Variants in RIGI observed in about 807,000 individuals in gnomAD.
The protein encoded by RIGI is RNA sensor RIG-I.
chr9:32,522,655 G>A, the RIGI span, among the ~76,000 whole-genome samples: 2 of 152,192 alleles, frequency 1.3e-5, no homozygotes, highest in African/African-American at 4.8e-5. Context: ...TAATGATACA[G>A]ATTGTGTCTC....
chr9:32,498,729 T>C, the RIGI span, among the ~76,000 whole-genome samples: 2 of 152,172 alleles, frequency 1.3e-5, no homozygotes, highest in Non-Finnish European at 2.9e-5. Context: ...ATGCCTGTAA[T>C]CTCAACACTT....
At chr9:32,468,111 G>A in the RIGI span, among the ~76,000 whole-genome samples, 12 of 152,222 alleles carry the variant, frequency 7.9e-5, no homozygotes, top group Admixed American at 7.9e-4. Flanking sequence ...TTTCAGAAAG[G>A]ACATTTAGGG....
At chr9:32,488,639 T>A in the RIGI span, 1 of 1,277,360 alleles carries the variant, frequency 7.8e-7, no homozygotes, top group East Asian at 2.6e-5. Flanking sequence ...GAATCTAATA[T>A]AAATTTTTTT....
chr9:32,472,579 C>T, the RIGI span, among the ~76,000 whole-genome samples: 2 of 152,198 alleles, frequency 1.3e-5, no homozygotes, highest in Non-Finnish European at 2.9e-5. Flanking sequence ...TTTTAAAAGA[C>T]GGCTTAGGCC....
At chr9:32,500,144 C>T in the RIGI span, among the ~76,000 whole-genome samples, 4 of 152,118 alleles carry the variant, frequency 2.6e-5, no homozygotes, top group Non-Finnish European at 4.4e-5. Context: ...TAAATGCTAA[C>T]GTGTAGAAAG....
chr9:32,474,088 G>A, the RIGI span, among the ~76,000 whole-genome samples: 3 of 151,032 alleles, frequency 2.0e-5, no homozygotes, highest in African/African-American at 7.3e-5. Context: ...TGCAGTCCCA[G>A]CTACTGGGGA....
At chr9:32,457,304 G>C in the RIGI span, 1 of 1,613,908 alleles carries the variant, frequency 6.2e-7, no homozygotes, top group Non-Finnish European at 8.5e-7. Context: ...CAGTTCTGTC[G>C]GGCACAGAAT....
At chr9:32,502,091 C>T in the RIGI span, among the ~76,000 whole-genome samples, 1 of 152,192 alleles carries the variant, frequency 6.6e-6, no homozygotes, top group African/African-American at 2.4e-5. Flanking sequence ...CTATTTTACA[C>T]ATTTCATATT....
chr9:32,500,954 A>G, the RIGI span: 1 of 1,611,860 alleles, frequency 6.2e-7, no homozygotes, highest in East Asian at 2.2e-5. Flanking sequence ...AAACAGAAGC[A>G]AAAATGACTC....
the RIGI span, among the ~76,000 whole-genome samples, chr9:32,491,957 T>C: frequency 6.6e-6 from 1 of 152,168 alleles, no homozygotes; most frequent in African/African-American, 2.4e-5. Context: ...TGACAACCAA[T>C]TCTTTCACCC....
At chr9:32,490,560 TTTTCTC>T in the RIGI span, among the ~76,000 whole-genome samples, 2 of 152,170 alleles carry the variant, frequency 1.3e-5, no homozygotes, top group Non-Finnish European at 2.9e-5. Flanking sequence ...AATCTGCACA[TTTTCTC>T]TTTATGATGT....
the RIGI span, among the ~76,000 whole-genome samples, chr9:32,509,678 C>G: frequency 6.6e-6 from 1 of 152,246 alleles, no homozygotes; most frequent in Middle Eastern, 3.4e-3. Context: ...TGATCCTCTT[C>G]TCCTCCAAAG....
At chr9:32,499,316 G>GTTTTTTTTTTTTTTTTTTT in the RIGI span, among the ~76,000 whole-genome samples, 14 of 57,646 alleles carry the variant, frequency 2.4e-4, 1 homozygote, top group African/African-American at 3.6e-4. Context: ...TTTGTGATTT[G>GTTTTTTTTTTTTTTTTTTT]TTTTTTTTTT....
the RIGI span, among the ~76,000 whole-genome samples, chr9:32,480,702 T>C: frequency 6.6e-6 from 1 of 152,346 alleles, no homozygotes; most frequent in East Asian, 1.9e-4. Flanking sequence ...ATTCCAACAT[T>C]TCACTTGATT....
the RIGI span, among the ~76,000 whole-genome samples, chr9:32,522,109 A>G: frequency 2.2e-3 from 328 of 152,328 alleles, 1 homozygote; most frequent in African/African-American, 7.0e-3. Flanking sequence ...CATGTTTATA[A>G]AGATTACTAA....
chr9:32,476,644 G>A, the RIGI span, among the ~76,000 whole-genome samples: 3 of 150,074 alleles, frequency 2.0e-5, no homozygotes, highest in South Asian at 2.1e-4. Context: ...GAGAGAAAAC[G>A]GCTTTTTTTT....
At chr9:32,470,945 C>G in the RIGI span, among the ~76,000 whole-genome samples, 1 of 152,220 alleles carries the variant, frequency 6.6e-6, no homozygotes, top group Non-Finnish European at 1.5e-5. Flanking sequence ...GTCTCTACCT[C>G]AGGGTTAACA....
chr9:32,510,789 T>A, the RIGI span, among the ~76,000 whole-genome samples: 1 of 152,064 alleles, frequency 6.6e-6, no homozygotes, highest in Non-Finnish European at 1.5e-5. Context: ...AGACACAGAC[T>A]GGCAAATTGG....
chr9:32,520,591 C>T, the RIGI span, among the ~76,000 whole-genome samples: 64 of 152,274 alleles, frequency 4.2e-4, no homozygotes, highest in African/African-American at 1.5e-3. Context: ...TTCAATCCCT[C>T]TACGCCCAGG....
Sources: allele counts gnomAD v4.1 joint callset (sites outside exome capture counted in the v4.1 genomes callset), GRCh38; gene constraint gnomAD v4.1.1; transcripts MANE v1.5; gene names NCBI Gene and HGNC (gene_info 2026-07-23, HGNC 2026-07-21).